CCSER1: variants seen among roughly 807,000 people sequenced by gnomAD.
CCSER1 encodes the protein coiled-coil serine rich protein 1, also known as serine-rich coiled-coil domain-containing protein 1.
CCSER1 carries 41 observed loss-of-function variants against 82.0 expected under a neutral mutation model. That is an observed-to-expected ratio of 0.50 (90% CI 0.39 to 0.65). CCSER1 has a LOEUF of 0.65. CCSER1 is among the 30% of genes least tolerant of loss of function. The pLI is 0.00. For missense variants in CCSER1, 1,119 were observed against 1,064.2 expected (o/e 1.05, Z -0.72); for synonymous variants, 414 against 383.9 (o/e 1.08, Z -0.92).
intron 7 of CCSER1, among the ~76,000 whole-genome samples, chr4:90,780,109 G>A (rs2149605556): frequency 6.6e-6 from 1 of 152,228 alleles, no homozygotes; most frequent in African/African-American, 2.4e-5. Context: ...ACTGTCAAAA[G>A]AACCCTCACT....
chr4:91,467,624 G>C (rs1560695165), intron 10 of CCSER1, among the ~76,000 whole-genome samples: 1 of 152,096 alleles, frequency 6.6e-6, no homozygotes, highest in Non-Finnish European at 1.5e-5. Flanking sequence ...CTAATATCCA[G>C]AGTCTACAAA....
At chr4:90,893,484 C>T (rs1023125471) in intron 8 of CCSER1, among the ~76,000 whole-genome samples, 2 of 151,932 alleles carry the variant, frequency 1.3e-5, no homozygotes, top group African/African-American at 2.4e-5. Context: ...CATTGATTGT[C>T]CAAAAACAAG....
At chr4:90,767,808 C>T (rs1051312131) in intron 7 of CCSER1, among the ~76,000 whole-genome samples, 2 of 152,064 alleles carry the variant, frequency 1.3e-5, no homozygotes, top group African/African-American at 4.8e-5. Context: ...GCTGGAACTA[C>T]AGGTGTGTGC....
intron 10 of CCSER1, among the ~76,000 whole-genome samples, chr4:91,179,877 A>G (rs974031362): frequency 6.6e-6 from 1 of 152,222 alleles, no homozygotes; most frequent in African/African-American, 2.4e-5. Flanking sequence ...TTGGAGGAGA[A>G]GAGGCGCTCT....
intron 7 of CCSER1, among the ~76,000 whole-genome samples, chr4:90,793,119 C>A (rs1185465500): frequency 6.6e-6 from 1 of 152,164 alleles, no homozygotes; most frequent in Non-Finnish European, 1.5e-5. Context: ...TACCTTTTTT[C>A]TACCAAGAAA....
intron 8 of CCSER1, among the ~76,000 whole-genome samples, chr4:90,826,269 G>A (rs1760432289): frequency 6.6e-6 from 1 of 152,148 alleles, no homozygotes; most frequent in Non-Finnish European, 1.5e-5. Context: ...TTGGACTCTA[G>A]TACAGAAGCT....
At chr4:90,569,307 C>A (rs959732902) in intron 5 of CCSER1, among the ~76,000 whole-genome samples, 1 of 151,892 alleles carries the variant, frequency 6.6e-6, no homozygotes, top group African/African-American at 2.4e-5. Flanking sequence ...GAGAAGGGAA[C>A]CCAGCTCCAC....
At chr4:91,356,893 T>C (rs1748872106) in intron 10 of CCSER1, among the ~76,000 whole-genome samples, 3 of 152,118 alleles carry the variant, frequency 2.0e-5, no homozygotes, top group Non-Finnish European at 4.4e-5. Context: ...GGCTGTAGAA[T>C]CCTGGAAAAC....
intron 1 of CCSER1, among the ~76,000 whole-genome samples, chr4:90,209,537 T>A (rs965554736): frequency 6.6e-6 from 1 of 152,180 alleles, no homozygotes; most frequent in Admixed American, 6.5e-5. Flanking sequence ...GAGGGGCCCA[T>A]GACCTTTGCC....
At chr4:90,186,677 C>T (rs1734677413) in intron 1 of CCSER1, among the ~76,000 whole-genome samples, 1 of 151,800 alleles carries the variant, frequency 6.6e-6, no homozygotes, top group South Asian at 2.1e-4. Context: ...TAACAGGTAC[C>T]TCCTTTAGCC....
intron 9 of CCSER1, among the ~76,000 whole-genome samples, chr4:91,074,855 A>G (rs921499441): frequency 2.0e-5 from 3 of 152,220 alleles, no homozygotes; most frequent in Non-Finnish European, 4.4e-5. Flanking sequence ...TGTTAAGAAA[A>G]ACTGTCACAA....
chr4:90,975,746 G>A (rs1735555791), intron 9 of CCSER1, among the ~76,000 whole-genome samples: 1 of 151,148 alleles, frequency 6.6e-6, no homozygotes, highest in African/African-American at 2.4e-5. Flanking sequence ...TTACCAATGT[G>A]TTTTTACCTT....
intron 1 of CCSER1, among the ~76,000 whole-genome samples, chr4:90,213,933 A>C (rs1740523199): frequency 6.6e-6 from 1 of 152,214 alleles, no homozygotes; most frequent in Non-Finnish European, 1.5e-5. Context: ...TGAATGATTT[A>C]GCCATAAAAG....
rs187236659 is a variant in CCSER1, at chr4:90,503,393, A to T, written c.1724+35039A>T. 3.0e-4 allele frequency among the ~76,000 whole-genome samples: 46 copies of T among 152,320 alleles called. No homozygotes were observed. In the Middle Eastern group the frequency reaches 0.01, roughly 34 times the overall value. On this transcript the variant is annotated intron_variant, in intron 5 of 10. Coordinates refer to ENST00000509176, the MANE Select transcript of CCSER1 (RefSeq NM_001145065.2). Reference sequence around the variant, plus strand: ...ACTTGTTTTAACACAGGGGACCAAAATTTAGAAAGATTATTATTTTTTCTT... The same window carrying T: ...ACTTGTTTTAACACAGGGGACCAAATTTTAGAAAGATTATTATTTTTTCTT...
At chr4:90,920,251 G>A (rs561217819) in intron 8 of CCSER1, among the ~76,000 whole-genome samples, 1 of 114,140 alleles carries the variant, frequency 8.8e-6, no homozygotes, top group East Asian at 2.1e-4. Flanking sequence ...TAAAGTGAAG[G>A]ATGTATTTAA....
chr4:91,252,027 A>T (rs1210834748), intron 10 of CCSER1, among the ~76,000 whole-genome samples: 1 of 152,184 alleles, frequency 6.6e-6, no homozygotes, highest in Non-Finnish European at 1.5e-5. Flanking sequence ...AAAGACACAT[A>T]CACATTATAA....
intron 7 of CCSER1, among the ~76,000 whole-genome samples, chr4:90,736,302 G>C (rs1228771238): frequency 6.6e-6 from 1 of 152,046 alleles, no homozygotes; most frequent in Non-Finnish European, 1.5e-5. Flanking sequence ...TGAATGTGGG[G>C]TGTTGAAGTC....
chr4:91,453,638 A>G (rs1755983910), intron 10 of CCSER1, among the ~76,000 whole-genome samples: 1 of 152,000 alleles, frequency 6.6e-6, no homozygotes. Context: ...TGCAGTCACT[A>G]CTTCACCTTT....
At chr4:90,407,083 C>T (rs749846857) in intron 4 of CCSER1, among the ~76,000 whole-genome samples, 11 of 151,756 alleles carry the variant, frequency 7.2e-5, no homozygotes, top group Non-Finnish European at 1.5e-4. Flanking sequence ...GCTTTTTCTT[C>T]GAAAAAAATA....
Sources: allele counts gnomAD v4.1 joint callset (sites outside exome capture counted in the v4.1 genomes callset), GRCh38; gene constraint gnomAD v4.1.1; transcripts MANE v1.5; gene names NCBI Gene and HGNC (gene_info 2026-07-23, HGNC 2026-07-21).